OTUD7A: variants seen among roughly 807,000 people sequenced by gnomAD.
OTUD7A encodes the protein OTU domain-containing protein 7A.
OTUD7A carries 12 observed loss-of-function variants against 65.7 expected under a neutral mutation model. That is an observed-to-expected ratio of 0.18 (90% CI 0.12 to 0.30). The LOEUF is 0.30. Among genes scored for constraint, OTUD7A ranks in the 10% least tolerant of loss-of-function variants. The pLI is 1.00. For missense variants in OTUD7A, 1,148 were observed against 1,304.8 expected, an observed-to-expected ratio of 0.88 and a Z score of 1.85; for synonymous variants, 641 against 586.3, an observed-to-expected ratio of 1.09 and a Z score of -1.35.
intron 1 of OTUD7A, among the ~76,000 whole-genome samples, chr15:31,715,485 C>G (rs1191981744): frequency 1.3e-5 from 2 of 151,550 alleles, no homozygotes; most frequent in Non-Finnish European, 2.9e-5. Flanking sequence ...CTCTGACTTC[C>G]TTGCTGAACT....
At chr15:31,595,524 G>A (rs774240280) in intron 3 of OTUD7A, among the ~76,000 whole-genome samples, 3 of 152,148 alleles carry the variant, frequency 2.0e-5, no homozygotes, top group Non-Finnish European at 4.4e-5. Context: ...AGTAGATCAC[G>A]GCTACATCAA....
chr15:31,497,247 T>A (rs2041399723), intron 10 of OTUD7A, among the ~76,000 whole-genome samples: 1 of 143,044 alleles, frequency 7.0e-6, no homozygotes, highest in South Asian at 2.2e-4. Flanking sequence ...AATTGACTTA[T>A]ATGTTAATTT....
chr15:31,629,220 G>A (rs1442657280), intron 3 of OTUD7A, among the ~76,000 whole-genome samples: 1 of 152,098 alleles, frequency 6.6e-6, no homozygotes, highest in East Asian at 1.9e-4. Context: ...TATGATATTG[G>A]CTGTGGGTTT....
chr15:31,812,582 G>A (rs926101479), intron 1 of OTUD7A, among the ~76,000 whole-genome samples: 1 of 152,064 alleles, frequency 6.6e-6, no homozygotes, highest in Non-Finnish European at 1.5e-5. Context: ...AATTCCAGAA[G>A]ACCTGCCTCA....
At chr15:31,817,908 A>T (rs2140969088) in intron 1 of OTUD7A, among the ~76,000 whole-genome samples, 1 of 152,362 alleles carries the variant, frequency 6.6e-6, no homozygotes, top group Admixed American at 6.5e-5. Context: ...TTAAAAGCTG[A>T]GGCCTCTGTG....
chr15:31,669,054 G>A (rs1461349233), intron 1 of OTUD7A, among the ~76,000 whole-genome samples: 1 of 152,192 alleles, frequency 6.6e-6, no homozygotes, highest in Non-Finnish European at 1.5e-5. Context: ...CCTGGAGCTG[G>A]TGGTGGGGTC....
intron 1 of OTUD7A, among the ~76,000 whole-genome samples, chr15:31,783,271 G>A (rs936008571): frequency 6.6e-6 from 1 of 152,184 alleles, no homozygotes; most frequent in African/African-American, 2.4e-5. Flanking sequence ...AAGGAGTGTG[G>A]AGGGGACAAT....
intron 1 of OTUD7A, among the ~76,000 whole-genome samples, chr15:31,805,126 C>T (rs1452839537): frequency 6.6e-6 from 1 of 152,194 alleles, no homozygotes; most frequent in Non-Finnish European, 1.5e-5. Context: ...GCAGAGGCAA[C>T]AGGTCGGGTG....
intron 1 of OTUD7A, among the ~76,000 whole-genome samples, chr15:31,823,014 C>T (rs2140974666): frequency 6.6e-6 from 1 of 152,332 alleles, no homozygotes; most frequent in East Asian, 1.9e-4. Context: ...GTGGGGCATG[C>T]ATTTCAAGGG....
At chr15:31,830,529 C>T (rs373825220) in intron 1 of OTUD7A, among the ~76,000 whole-genome samples, 9 of 152,206 alleles carry the variant, frequency 5.9e-5, no homozygotes, top group African/African-American at 2.2e-4. Context: ...TTAGAGAATG[C>T]TGCAAAATAA....
intron 1 of OTUD7A, among the ~76,000 whole-genome samples, chr15:31,744,424 A>T (rs1028452971): frequency 6.6e-6 from 1 of 152,158 alleles, no homozygotes; most frequent in African/African-American, 2.4e-5. Flanking sequence ...CCAAGAACAT[A>T]AGATAGGGCA....
chr15:31,696,585 G>A (rs1278494612), intron 1 of OTUD7A, among the ~76,000 whole-genome samples: 5 of 135,482 alleles, frequency 3.7e-5, no homozygotes, highest in East Asian at 4.4e-4. Context: ...CCCAGTGTGC[G>A]AGCCGGCCCT....
chr15:31,728,339 A>AC (rs1322020717), intron 1 of OTUD7A, among the ~76,000 whole-genome samples: 35 of 152,196 alleles, frequency 2.3e-4, no homozygotes, highest in African/African-American at 8.4e-4. Flanking sequence ...CTGCCCCAGC[A>AC]CAGAGCAGCT....
intron 1 of OTUD7A, among the ~76,000 whole-genome samples, chr15:31,753,459 T>G (rs991871071): frequency 2.0e-5 from 3 of 151,562 alleles, no homozygotes; most frequent in Non-Finnish European, 4.4e-5. Context: ...CCCTTCCCAC[T>G]CTTTCCCCAA....
intron 8 of OTUD7A, among the ~76,000 whole-genome samples, chr15:31,523,291 G>A (rs939644070): frequency 6.6e-6 from 1 of 152,246 alleles, no homozygotes; most frequent in Non-Finnish European, 1.5e-5. Flanking sequence ...AGGCAGGGAG[G>A]AGGGGCAGGA....
At chr15:31,645,546 C>T (rs1263737350) in intron 3 of OTUD7A, among the ~76,000 whole-genome samples, 1 of 152,184 alleles carries the variant, frequency 6.6e-6, no homozygotes, top group Non-Finnish European at 1.5e-5. Context: ...CTTCATCCAT[C>T]CACGTCAGTA....
intron 1 of OTUD7A, among the ~76,000 whole-genome samples, chr15:31,856,297 T>C (rs1169012520): frequency 6.6e-6 from 1 of 152,202 alleles, no homozygotes; most frequent in Non-Finnish European, 1.5e-5. Flanking sequence ...GAGCAATTAG[T>C]AGTAATGCCT....
chr15:31,830,045 G>C (rs1377242723), intron 1 of OTUD7A, among the ~76,000 whole-genome samples: 3 of 152,164 alleles, frequency 2.0e-5, no homozygotes, highest in Non-Finnish European at 2.9e-5. Flanking sequence ...TACCTCAAGA[G>C]GCATGAGGCT....
At chr15:31,656,765 A>G (rs942269443) in intron 2 of OTUD7A, among the ~76,000 whole-genome samples, 7 of 151,842 alleles carry the variant, frequency 4.6e-5, no homozygotes, top group African/African-American at 1.7e-4. Context: ...GCCCCTGTCC[A>G]GCTGTGACAT....
Sources: gnomAD v4.1 joint callset for allele counts (sites outside exome capture counted in the v4.1 genomes callset) on GRCh38, gnomAD v4.1.1 for gene constraint, MANE v1.5 for transcripts, NCBI Gene and HGNC (gene_info 2026-07-23, HGNC 2026-07-21) for gene names.